Variants in FBXL13 observed in about 807,000 individuals in gnomAD.
FBXL13 encodes F-box and leucine-rich repeat protein 13.
FBXL13 carries 67 observed loss-of-function variants against 83.6 expected under a neutral mutation model. The ratio of observed to expected loss-of-function variants is 0.80; its 90% CI spans 0.66 to 0.98. The LOEUF is 0.98. Ranked by LOEUF, FBXL13 falls within the 50% of genes least tolerant of loss-of-function variation. The pLI, the probability that FBXL13 is intolerant of heterozygous loss-of-function variation, is 0.00. For missense variants in FBXL13, 822 were observed against 866.5 expected (o/e 0.95, Z 0.64); for synonymous variants, 272 against 299.5 (o/e 0.91, Z 0.95).
chr7:102,952,871 C>T (rs1355857111), intron 8 of FBXL13, among the ~76,000 whole-genome samples: 1 of 152,158 alleles, frequency 6.6e-6, no homozygotes, highest in Non-Finnish European at 1.5e-5. Context: ...GTAATCCCAG[C>T]TACTCAGGAG....
At chr7:103,012,355 A>G (rs1791734497) in intron 6 of FBXL13, among the ~76,000 whole-genome samples, 1 of 150,826 alleles carries the variant, frequency 6.6e-6, no homozygotes, top group Admixed American at 6.6e-5. Context: ...AGCCTGGGTG[A>G]CAGAGTGAAA....
chr7:102,955,676 C>A (rs377075131), intron 8 of FBXL13, among the ~76,000 whole-genome samples: 1 of 151,120 alleles, frequency 6.6e-6, no homozygotes, highest in Non-Finnish European at 1.5e-5. Flanking sequence ...ATCAAATAGA[C>A]TCAATAAAAA....
chr7:102,906,418 T>G (rs1813762186), intron 11 of FBXL13, among the ~76,000 whole-genome samples: 1 of 152,234 alleles, frequency 6.6e-6, no homozygotes, highest in Admixed American at 6.5e-5. Flanking sequence ...TGTTATAAAA[T>G]TCTGTGCTTT....
At chr7:102,947,863 T>A (rs915619170) in intron 8 of FBXL13, among the ~76,000 whole-genome samples, 3 of 151,774 alleles carry the variant, frequency 2.0e-5, no homozygotes, top group African/African-American at 7.3e-5. Context: ...ATAAACGGAG[T>A]CCTCCTGAGT....
At chr7:103,070,399 T>C (rs1798833624) in intron 1 of FBXL13, among the ~76,000 whole-genome samples, 1 of 152,000 alleles carries the variant, frequency 6.6e-6, no homozygotes, top group East Asian at 1.9e-4. Context: ...TGGCAAATTT[T>C]TGTATTTTTA....
chr7:102,853,319 A>T (rs1281417410), intron 17 of FBXL13, among the ~76,000 whole-genome samples: 3 of 152,214 alleles, frequency 2.0e-5, no homozygotes, highest in Non-Finnish European at 1.5e-5. Flanking sequence ...TTCCCCAAAA[A>T]CCTATGGAAA....
At chr7:103,033,549 A>G (rs559741954) in intron 2 of FBXL13, among the ~76,000 whole-genome samples, 1 of 152,300 alleles carries the variant, frequency 6.6e-6, no homozygotes, top group East Asian at 1.9e-4. Flanking sequence ...TGCTGGCTCA[A>G]GAATGAAGCT....
chr7:102,896,035 C>A (rs1055658722), intron 11 of FBXL13, among the ~76,000 whole-genome samples: 13 of 152,170 alleles, frequency 8.5e-5, no homozygotes, highest in African/African-American at 3.1e-4. Context: ...CAGTGTGAAA[C>A]CCTGCAGCAT....
chr7:103,046,563 T>A (rs1829957), intron 2 of FBXL13, among the ~76,000 whole-genome samples: 96,143 of 152,036 alleles, frequency 0.63, 31,123 homozygotes, highest in Non-Finnish European at 0.7. Context: ...CTTTTATCCA[T>A]CAAAGTATAA....
intron 6 of FBXL13, among the ~76,000 whole-genome samples, chr7:102,976,823 G>C (rs1386800455): frequency 6.6e-6 from 1 of 152,136 alleles, no homozygotes; most frequent in Non-Finnish European, 1.5e-5. Flanking sequence ...TAAAAAACCA[G>C]ATGGAACTTA....
chr7:102,899,212 C>T (rs1812665128), intron 11 of FBXL13, among the ~76,000 whole-genome samples: 1 of 152,218 alleles, frequency 6.6e-6, no homozygotes, highest in South Asian at 2.1e-4. Context: ...CGTGCCCAGT[C>T]TGGAAGTATT....
intron 6 of FBXL13, among the ~76,000 whole-genome samples, chr7:102,986,666 T>A (rs1472869581): frequency 6.6e-6 from 1 of 152,106 alleles, no homozygotes; most frequent in Non-Finnish European, 1.5e-5. Flanking sequence ...TAGAATTGAA[T>A]GTGATGATTG....
intron 1 of FBXL13, among the ~76,000 whole-genome samples, chr7:103,066,874 C>A (rs2129503603): frequency 6.6e-6 from 1 of 151,520 alleles, no homozygotes; most frequent in East Asian, 1.9e-4. Flanking sequence ...TCACCGCAAC[C>A]TTCGCCTCCT....
intron 5 of FBXL13, among the ~76,000 whole-genome samples, chr7:103,025,654 A>G (rs949792868): frequency 2.6e-5 from 4 of 152,224 alleles, no homozygotes; most frequent in African/African-American, 9.6e-5. Context: ...GGAAGTCCCC[A>G]TTTTAACTTT....
At chr7:102,916,354 G>A (rs1452676159) in intron 10 of FBXL13, among the ~76,000 whole-genome samples, 2 of 151,950 alleles carry the variant, frequency 1.3e-5, no homozygotes, top group Middle Eastern at 3.2e-3. Flanking sequence ...GATCCTCTTG[G>A]GGGAATCCAC....
chr7:102,830,321 T>A (rs1287993555), intron 18 of FBXL13, among the ~76,000 whole-genome samples: 1 of 152,220 alleles, frequency 6.6e-6, no homozygotes, highest in Non-Finnish European at 1.5e-5. Context: ...AAACCCAGTC[T>A]CCATCTGTGC....
chr7:103,059,148 T>C (rs1221939603), intron 1 of FBXL13, among the ~76,000 whole-genome samples: 1 of 152,174 alleles, frequency 6.6e-6, no homozygotes, highest in African/African-American at 2.4e-5. Flanking sequence ...CGTGTGCCTG[T>C]AGCCCTAGCT....
chr7:103,031,610 C>T (rs943164848), intron 2 of FBXL13, among the ~76,000 whole-genome samples: 1 of 152,018 alleles, frequency 6.6e-6, no homozygotes, highest in African/African-American at 2.4e-5. Flanking sequence ...CCCAGACACC[C>T]GTAGTTACAA....
Position 102,926,339 on chromosome 7 carries a change from C to T in FBXL13, c.813G>A (p.Pro271=), listed in dbSNP as rs73408247. 2,031 of 1,613,824 alleles carry T rather than the reference C, an allele frequency of 1.3e-3. 17 individuals carry two copies. The African/African-American group carries it at 0.022, about 18-fold the overall frequency. Residue 271 remains proline, a synonymous_variant, in exon 10 of 20, where the codon CCG becomes CCA. Transcript: ENST00000313221. ...TAGACAGATTGAGACACAGGACCCC[C>T]GGGCAGCCCTCAGAAATGTGTCTCA...
Sources: allele counts gnomAD v4.1 joint callset (sites outside exome capture counted in the v4.1 genomes callset), GRCh38; gene constraint gnomAD v4.1.1; transcripts MANE v1.5; gene names NCBI Gene and HGNC (gene_info 2026-07-23, HGNC 2026-07-21).